Variants in CBLN2 observed in about 807,000 individuals in gnomAD.
The protein encoded by CBLN2 is cerebellin-2.
Under a neutral mutation model 15.0 loss-of-function variants are expected in CBLN2, and 7 were observed. That is an observed-to-expected ratio of 0.47 (90% confidence interval 0.27 to 0.88). The LOEUF (loss-of-function observed/expected upper bound fraction) is 0.88, where lower values mean the gene tolerates loss of function less well. Among genes scored for constraint, CBLN2 ranks in the 40% least tolerant of loss-of-function variants. The pLI is 0.14. For missense variants in CBLN2, 242 were observed against 304.5 expected, an observed-to-expected ratio of 0.79 and a Z score of 1.53; for synonymous variants, 149 against 135.2, an observed-to-expected ratio of 1.10 and a Z score of -0.71.
At chr18:72,538,822 G>A (rs779156833) in intron 3 of CBLN2, 50 bp from the exon 4 acceptor site, 9 of 1,597,110 alleles carry the variant, frequency 5.6e-6, no homozygotes, top group Non-Finnish European at 7.7e-6. Context: ...CCTCCTCGGT[G>A]TATGTTTTCA....
rs1206521965 is a variant in CBLN2 at position 72,625,798 on chromosome 18, C to G, written c.15+12527G>C. 3.8e-4 allele frequency among the ~76,000 whole-genome samples: 16 copies of G among 42,282 alleles called. No individual in the cohort carries two copies. The Admixed American group carries it at 3.9e-3, about 10-fold the overall frequency. The allele number at this position is 42,282 out of a possible 152,430, so 27.7% of individuals were successfully genotyped here. A position where few individuals can be genotyped will look rare whatever the true frequency, so the allele number is the denominator to read the frequency against. On this transcript the variant is annotated intron_variant, in intron 1 of 2. Coordinates refer to the CBLN2 transcript ENST00000581073. ...ACTATATATATATGACTCTCTCTCT[C>G]TCTCTCTCTCTCTCTCTCTCTATAT...
intron 1 of CBLN2, among the ~76,000 whole-genome samples, chr18:72,636,670 T>A (rs536192806): frequency 6.6e-6 from 1 of 152,344 alleles, no homozygotes; most frequent in African/African-American, 2.4e-5. Context: ...CACCCAACTC[T>A]GGCTTTATAT....
intron 1 of CBLN2, among the ~76,000 whole-genome samples, chr18:72,632,255 G>A (rs2144980637): frequency 6.6e-6 from 1 of 152,158 alleles, no homozygotes; most frequent in South Asian, 2.1e-4. Flanking sequence ...ATAAAGGAGA[G>A]ATTCAAAATT....
upstream of CBLN2, chr18:72,544,468 C>A (rs2069143725): frequency 6.6e-6 from 1 of 152,058 alleles, no homozygotes; most frequent in African/African-American, 2.4e-5. Flanking sequence ...CAAACACGGA[C>A]GTGGGGCGCC....
intron 1 of CBLN2, among the ~76,000 whole-genome samples, chr18:72,617,585 G>A (rs1233114419): frequency 6.6e-6 from 1 of 152,126 alleles, no homozygotes; most frequent in Non-Finnish European, 1.5e-5. Flanking sequence ...TTTTAAGTAT[G>A]TAGACATTTT....
chr18:72,605,366 T>C (rs2069576415), intron 1 of CBLN2, among the ~76,000 whole-genome samples: 1 of 152,214 alleles, frequency 6.6e-6, no homozygotes, highest in Non-Finnish European at 1.5e-5. Flanking sequence ...AGTTAATTAC[T>C]GACGTTCTGT....
intron 1 of CBLN2, among the ~76,000 whole-genome samples, chr18:72,567,427 T>C (rs973922926): frequency 3.3e-5 from 5 of 152,146 alleles, no homozygotes; most frequent in African/African-American, 1.2e-4. Context: ...AAATTACTGC[T>C]TGTCCAGAAT....
chr18:72,634,339 C>A (rs2069797715), intron 1 of CBLN2, among the ~76,000 whole-genome samples: 1 of 151,996 alleles, frequency 6.6e-6, no homozygotes, highest in African/African-American at 2.4e-5. Context: ...CTTTTTCAAT[C>A]TATTTACTAA....
intron 1 of CBLN2, among the ~76,000 whole-genome samples, chr18:72,625,806 CTCTCTCTCTCTCTATATA>C (rs1215295329): frequency 1.3e-4 from 8 of 59,788 alleles, no homozygotes; most frequent in Admixed American, 2.4e-4. Context: ...CTCTCTCTCT[CTCTCTCTCTCTCTATATA>C]TATATATATA....
intron 1 of CBLN2, among the ~76,000 whole-genome samples, chr18:72,573,456 C>G (rs1041983647): frequency 2.6e-5 from 4 of 152,188 alleles, no homozygotes; most frequent in Non-Finnish European, 5.9e-5. Flanking sequence ...TCCTTCTCCC[C>G]TAAGCCATGG....
chr18:72,633,001 T>A (rs1455821710), intron 1 of CBLN2, among the ~76,000 whole-genome samples: 1 of 152,208 alleles, frequency 6.6e-6, no homozygotes, highest in Non-Finnish European at 1.5e-5. Context: ...ATTCACTTAG[T>A]GTAACTATAG....
intron 1 of CBLN2, among the ~76,000 whole-genome samples, chr18:72,624,160 A>G (rs1303388672): frequency 6.6e-6 from 1 of 152,012 alleles, no homozygotes; most frequent in Non-Finnish European, 1.5e-5. Context: ...TGAGTTCAGC[A>G]CTTTCAGAGA....
At chr18:72,604,179 G>A (rs1406944113) in intron 1 of CBLN2, among the ~76,000 whole-genome samples, 14 of 152,168 alleles carry the variant, frequency 9.2e-5, no homozygotes, top group Non-Finnish European at 1.5e-5. Flanking sequence ...CTAGAGACTT[G>A]CAAAAACACG....
chr18:72,552,189 C>A (rs2069195876), intron 1 of CBLN2, among the ~76,000 whole-genome samples: 1 of 151,626 alleles, frequency 6.6e-6, no homozygotes, highest in Non-Finnish European at 1.5e-5. Context: ...TGGGTTCAAG[C>A]AATTCTACCT....
At chr18:72,627,563 C>A (rs893911696) in intron 1 of CBLN2, among the ~76,000 whole-genome samples, 17 of 152,206 alleles carry the variant, frequency 1.1e-4, no homozygotes, top group African/African-American at 3.9e-4. Flanking sequence ...GGTTGTGCTT[C>A]ACCAAATCCC....
chr18:72,546,715 AC>A (rs1010219574), upstream of CBLN2, among the ~76,000 whole-genome samples: 9 of 152,202 alleles, frequency 5.9e-5, 1 homozygote, highest in Admixed American at 5.9e-4. Context: ...CTGGGATATA[AC>A]ACGATTTAAC....
chr18:72,610,287 G>C (rs2069613646), intron 1 of CBLN2, among the ~76,000 whole-genome samples: 1 of 152,136 alleles, frequency 6.6e-6, no homozygotes. Context: ...CATGTGTGCA[G>C]TGCTGTTCTC....
chr18:72,541,380 A>C (rs1260882105), intron 3 of CBLN2, among the ~76,000 whole-genome samples: 1 of 152,100 alleles, frequency 6.6e-6, no homozygotes, highest in Admixed American at 6.5e-5. Flanking sequence ...AGACTTGGGA[A>C]GACTCCTTTC....
chr18:72,630,454 C>A (rs71371789), intron 1 of CBLN2, among the ~76,000 whole-genome samples: 1 of 151,106 alleles, frequency 6.6e-6, no homozygotes, highest in Admixed American at 6.6e-5. Context: ...TGAATAATTA[C>A]GGAAAGAAGA....
Sources: allele counts gnomAD v4.1 joint callset (sites outside exome capture counted in the v4.1 genomes callset), GRCh38; gene constraint gnomAD v4.1.1; transcripts MANE v1.5; gene names NCBI Gene and HGNC (gene_info 2026-07-23, HGNC 2026-07-21).